CTTNBP2: variants seen among roughly 807,000 people sequenced by gnomAD.
The protein encoded by CTTNBP2 is cortactin binding protein 2, also known as cortactin-binding protein 2.
A neutral mutation model predicts 156.9 loss-of-function variants in CTTNBP2; 108 were observed. The ratio of observed to expected loss-of-function variants is 0.69; its 90% CI spans 0.59 to 0.81. The LOEUF (loss-of-function observed/expected upper bound fraction) is 0.81. Ranked by LOEUF, CTTNBP2 falls within the 30% of genes least tolerant of loss-of-function variation. The pLI is 0.00. For synonymous variants in CTTNBP2, 767 were observed against 751.8 expected, an observed-to-expected ratio of 1.02 and a Z score of -0.33; for missense variants, 1,924 against 2,035.4, an observed-to-expected ratio of 0.95 and a Z score of 1.05.
intron 19 of CTTNBP2, among the ~76,000 whole-genome samples, chr7:117,722,257 G>GT (rs34399167): frequency 0.017 from 2,393 of 140,654 alleles, 43 homozygotes; most frequent in African/African-American, 0.046. Context: ...TCCTGTGTTG[G>GT]TTTTTTTTTT....
intron 2 of CTTNBP2, among the ~76,000 whole-genome samples, chr7:117,847,445 A>G (rs544568723): frequency 5.9e-4 from 90 of 152,328 alleles, no homozygotes; most frequent in South Asian, 4.3e-3. Flanking sequence ...CTGAGGCAGG[A>G]GAATTGCTTA....
intron 2 of CTTNBP2, among the ~76,000 whole-genome samples, chr7:117,822,133 T>C (rs1801005703): frequency 1.3e-5 from 2 of 152,182 alleles, no homozygotes; most frequent in African/African-American, 4.8e-5. Context: ...TTATAAGTGG[T>C]ATTTTTTCAA....
chr7:117,840,025 G>A (rs578043150), intron 2 of CTTNBP2, among the ~76,000 whole-genome samples: 20 of 152,144 alleles, frequency 1.3e-4, no homozygotes, highest in South Asian at 8.3e-4. Flanking sequence ...ACATACACAC[G>A]TTTATATGTA....
intron 3 of CTTNBP2, among the ~76,000 whole-genome samples, chr7:117,805,685 T>C (rs999188104): frequency 4.6e-5 from 7 of 152,212 alleles, no homozygotes; most frequent in Admixed American, 1.3e-4. Context: ...CTCTTTCCTA[T>C]ATTTTTTCCT....
chr7:117,721,218 C>T, intron 19 of CTTNBP2, 88 bp from the exon 20 acceptor site: 1 of 824,710 alleles, frequency 1.2e-6, no homozygotes, highest in Non-Finnish European at 2.1e-6. Context: ...GTGGACTTTG[C>T]AGTACTTTCA....
At chr7:117,740,587 C>G (rs541517191) in intron 14 of CTTNBP2, among the ~76,000 whole-genome samples, 1 of 152,154 alleles carries the variant, frequency 6.6e-6, no homozygotes, top group Non-Finnish European at 1.5e-5. Flanking sequence ...ACTTTAATTT[C>G]TTGGTAAAAA....
At chr7:117,841,642 GA>G (rs1323502281) in intron 2 of CTTNBP2, among the ~76,000 whole-genome samples, 3 of 152,226 alleles carry the variant, frequency 2.0e-5, no homozygotes, top group African/African-American at 7.2e-5. Context: ...GTCTCAGATA[GA>G]AAGCTATGAC....
At chr7:117,771,664 A>G (rs532288283) in intron 8 of CTTNBP2, among the ~76,000 whole-genome samples, 1 of 152,346 alleles carries the variant, frequency 6.6e-6, no homozygotes, top group South Asian at 2.1e-4. Context: ...AGAAAAATAC[A>G]GTAGTCCATT....
In CTTNBP2 at chr7:117,718,744, A is replaced by ATTCTT. The variant is rs1397607196; in HGVS notation, c.4645-630_4645-626dup. Among the ~76,000 whole-genome samples the ATTCTT allele has an allele frequency of 2.0e-5, 3 of 152,302 alleles. No individual in the cohort carries two copies. The East Asian group carries it at 5.8e-4, about 29-fold the overall frequency. On this transcript the variant is annotated intron_variant, in intron 21 of 22. Coordinates refer to ENST00000160373, the MANE Select transcript of CTTNBP2 (RefSeq NM_033427.3). ...ATGATGATATGCATTATACAAGCTA[A>ATTCTT]TTCTTTTTCTCATTTGCAAAGAAAG... is the stretch of plus-strand genomic sequence containing the variant.
chr7:117,865,671 C>CAAAAAAA (rs61533705), intron 1 of CTTNBP2, among the ~76,000 whole-genome samples: 4 of 74,498 alleles, frequency 5.4e-5, no homozygotes, highest in Non-Finnish European at 7.7e-5. Flanking sequence ...ACTCCATCTC[C>CAAAAAAA]AAAAAAAAAA....
intron 10 of CTTNBP2, 39 bp downstream of exon 10, chr7:117,760,396 A>G: frequency 6.3e-7 from 1 of 1,589,932 alleles, no homozygotes; most frequent in Non-Finnish European, 8.6e-7. Context: ...AAATAAACCC[A>G]GAAATTTCAC....
chr7:117,776,572 C>T (rs767848814), intron 8 of CTTNBP2, among the ~76,000 whole-genome samples: 4 of 152,166 alleles, frequency 2.6e-5, no homozygotes, highest in African/African-American at 4.8e-5. Context: ...GTTTTTAATG[C>T]TCCTTTCACC....
intron 16 of CTTNBP2, among the ~76,000 whole-genome samples, chr7:117,733,786 T>C (rs112899143): frequency 8.5e-5 from 13 of 152,150 alleles, no homozygotes; most frequent in Admixed American, 2.0e-4. Flanking sequence ...CCCGCCACCA[T>C]CTCCCCTGCC....
chr7:117,810,244 C>T (rs1417422588), intron 3 of CTTNBP2, among the ~76,000 whole-genome samples: 1 of 152,168 alleles, frequency 6.6e-6, no homozygotes, highest in African/African-American at 2.4e-5. Context: ...TTTAAGATGA[C>T]ACATTGTGAG....
intron 2 of CTTNBP2, among the ~76,000 whole-genome samples, chr7:117,835,692 A>T (rs1014357847): frequency 6.6e-6 from 1 of 152,198 alleles, no homozygotes; most frequent in Non-Finnish European, 1.5e-5. Flanking sequence ...TAAAGTTTTC[A>T]ACACGCATTC....
intron 2 of CTTNBP2, among the ~76,000 whole-genome samples, chr7:117,812,460 G>A (rs1408914973): frequency 6.6e-6 from 1 of 151,608 alleles, no homozygotes; most frequent in Non-Finnish European, 1.5e-5. Flanking sequence ...CTATCAGCAA[G>A]CCAACAACTA....
In CTTNBP2 at chr7:117,721,104, G is replaced by T. The variant is rs1794765176; in HGVS notation, c.4474C>A (p.Leu1492Met). 1 of 1,604,846 alleles carries T rather than the reference G, an allele frequency of 6.2e-7. No homozygotes were observed. The highest frequency in any genetic ancestry group is 8.5e-7 in the Non-Finnish European group (1 of 1,171,610). The change falls in exon 20 of 23, where the codon CTG (leucine) becomes ATG (methionine). Residue 1492 changes from leucine (L) to methionine (M), a missense_variant. Physicochemically the swap from Leu to Met is conservative, Grantham distance 15. Transcript: ENST00000160373. Reference sequence around the variant, plus strand: ...AGAGAAGCATTCCTGTTACAATTCAGCTGTGATATAGTCTTATTTTTCATA... The same window carrying T: ...AGAGAAGCATTCCTGTTACAATTCATCTGTGATATAGTCTTATTTTTCATA... ...EGMKNKTISQ[L>M]NCNRNASLSK...
intron 4 of CTTNBP2, among the ~76,000 whole-genome samples, chr7:117,790,119 C>G (rs530875521): frequency 6.6e-6 from 1 of 152,194 alleles, no homozygotes; most frequent in Non-Finnish European, 1.5e-5. Context: ...AACCAACAAT[C>G]TCCACCAACC....
chr7:117,811,809 T>C (rs1013624772), intron 2 of CTTNBP2, among the ~76,000 whole-genome samples: 10 of 150,714 alleles, frequency 6.6e-5, no homozygotes, highest in African/African-American at 2.4e-4. Flanking sequence ...AAATTTTTAA[T>C]GTAAAAATTT....
Sources: allele counts gnomAD v4.1 joint callset (sites outside exome capture counted in the v4.1 genomes callset), GRCh38; gene constraint gnomAD v4.1.1; transcripts MANE v1.5; gene names NCBI Gene and HGNC (gene_info 2026-07-23, HGNC 2026-07-21).